Variants in TTC39B observed in about 807,000 individuals in gnomAD.
TTC39B encodes tetratricopeptide repeat domain 39B.
A neutral mutation model predicts 96.6 loss-of-function variants in TTC39B; 92 were observed. The ratio of observed to expected loss-of-function variants is 0.95; its 90% CI spans 0.80 to 1.13. The LOEUF is 1.13. Ranked by LOEUF, TTC39B falls within the 50% of genes most tolerant of loss-of-function variation. The probability of loss-of-function intolerance (pLI) is 0.00; values close to 1 mark genes in which losing one functional copy is unlikely to be tolerated. For synonymous variants in TTC39B, 367 were observed against 299.4 expected (o/e 1.23, Z -2.33); for missense variants, 955 against 809.3 (o/e 1.18, Z -2.18).
chr9:15,187,109 A>C, intron 14 of TTC39B, 74 bp from the exon 15 acceptor site: 2 of 1,060,268 alleles, frequency 1.9e-6, no homozygotes, highest in Non-Finnish European at 2.7e-6. Flanking sequence ...ATCAGGAATG[A>C]CCAACAAGTC....
rs1216228633 is a variant in TTC39B at position 15,198,910 on chromosome 9, A to G, written c.824+951T>C. On this transcript the variant is annotated intron_variant, in intron 8 of 19. Coordinates refer to ENST00000512701, the Ensembl canonical transcript of TTC39B. ...GAGTGCCTATATGAATATTAGACAT[A>G]ACAGATTTCAAGACAAGGAATATCA... Among the ~76,000 whole-genome samples, 7 of 152,374 alleles carry G rather than the reference A, an allele frequency of 4.6e-5. No individual in the cohort carries two copies. In the East Asian group the frequency reaches 1.2e-3, roughly 25 times the overall value.
chr9:15,167,928 G>A (rs943189407), exon 20 of TTC39B: 4 of 152,078 alleles, frequency 2.6e-5, no homozygotes, highest in African/African-American at 9.7e-5. Flanking sequence ...AGGGAGGGCA[G>A]AATAATGTTC....
At chr9:15,223,834 G>A (rs568891505) in intron 3 of TTC39B, among the ~76,000 whole-genome samples, 206 of 147,108 alleles carry the variant, frequency 1.4e-3, no homozygotes, top group Non-Finnish European at 2.6e-3. Flanking sequence ...GCACCCACAT[G>A]ACACTCAAAA....
At chr9:15,283,950 G>A (rs73646030) in intron 1 of TTC39B, among the ~76,000 whole-genome samples, 1,991 of 151,902 alleles carry the variant, frequency 0.013, 41 homozygotes, top group African/African-American at 0.045. Context: ...AAGACCAGAA[G>A]CCTTAAAGAA....
chr9:15,178,304 G>A (rs1321528126), intron 17 of TTC39B, among the ~76,000 whole-genome samples: 1 of 152,176 alleles, frequency 6.6e-6, no homozygotes, highest in Non-Finnish European at 1.5e-5. Flanking sequence ...TGGGCACAGT[G>A]GCTCACATCT....
chr9:15,298,114 C>A (rs1362626657), intron 1 of TTC39B, among the ~76,000 whole-genome samples: 1 of 152,158 alleles, frequency 6.6e-6, no homozygotes, highest in Admixed American at 6.5e-5. Flanking sequence ...TCTTCTGGAG[C>A]TGGGAAGTCC....
intron 8 of TTC39B, among the ~76,000 whole-genome samples, chr9:15,198,341 T>C (rs1388489556): frequency 6.6e-6 from 1 of 151,682 alleles, no homozygotes. Flanking sequence ...CCTGTAGTCC[T>C]AGCTGCTCGG....
At chr9:15,291,347 T>C (rs1266917132) in intron 1 of TTC39B, among the ~76,000 whole-genome samples, 2 of 152,192 alleles carry the variant, frequency 1.3e-5, no homozygotes, top group South Asian at 2.1e-4. Flanking sequence ...GTTTTAAAAA[T>C]GGAAGTTTCC....
At chr9:15,200,250 T>C (rs1819455907) in intron 7 of TTC39B, among the ~76,000 whole-genome samples, 1 of 152,184 alleles carries the variant, frequency 6.6e-6, no homozygotes, top group Admixed American at 6.5e-5. Context: ...ACTGAGCAAT[T>C]TTCTTCTGGG....
At chr9:15,195,493 A>C (rs1302593076) in intron 8 of TTC39B, among the ~76,000 whole-genome samples, 1 of 151,986 alleles carries the variant, frequency 6.6e-6, no homozygotes, top group Admixed American at 6.6e-5. Flanking sequence ...AGCATGGTGA[A>C]ACCTTGCCTC....
chr9:15,236,288 A>G (rs902952156), intron 2 of TTC39B, among the ~76,000 whole-genome samples: 1 of 152,232 alleles, frequency 6.6e-6, no homozygotes, highest in South Asian at 2.1e-4. Flanking sequence ...CTAAATATAC[A>G]TGCAACCAAT....
intron 1 of TTC39B, among the ~76,000 whole-genome samples, chr9:15,302,291 A>T (rs902060230): frequency 1.4e-5 from 2 of 146,558 alleles, no homozygotes; most frequent in Non-Finnish European, 3.0e-5. Context: ...ATGCCACTGC[A>T]CTCCAGCTTG....
intron 18 of TTC39B, 130 bp downstream of exon 18, chr9:15,177,567 G>A (rs1818008969): frequency 1.6e-6 from 1 of 625,564 alleles, no homozygotes; most frequent in Non-Finnish European, 2.8e-6. Context: ...ACACACTACT[G>A]GATTTTCTTT....
In TTC39B at chr9:15,167,001, TATATATATATATA is replaced by T. The variant is rs1817534172; in HGVS notation, c.*5005_*5017del. ...TTTATTTTATATATATATATATATA[TATATATATATATA>T]TATATATATATATATTTTTTTTTTT... On this transcript the variant is annotated 3_prime_UTR_variant, in exon 20 of 20. Transcript: ENST00000512701. 1.2e-3 allele frequency: 13 copies of T among 10,690 alleles called. 2 individuals are homozygous for T. Among genetic ancestry groups the T allele is most frequent in the South Asian group, 3.4e-3 (1 of 292 alleles). The allele number at this position is 10,690 out of a possible 1,614,324, so 0.7% of individuals were successfully genotyped here.
At chr9:15,216,966 A>G (rs1276688054) in intron 3 of TTC39B, among the ~76,000 whole-genome samples, 1 of 152,180 alleles carries the variant, frequency 6.6e-6, no homozygotes, top group Non-Finnish European at 1.5e-5. Context: ...AGAAGGCCCA[A>G]CATTACTGAG....
intron 3 of TTC39B, among the ~76,000 whole-genome samples, chr9:15,218,632 T>TAAAAAAAAAAAATATA (rs545882970): frequency 2.9e-5 from 3 of 105,110 alleles, no homozygotes; most frequent in African/African-American, 1.1e-4. Flanking sequence ...TTAGTCTATT[T>TAAAAAAAAAAAATATA]TAAATATATA....
exon 20 of TTC39B, chr9:15,172,003 A>G: frequency 6.3e-7 from 1 of 1,599,084 alleles, no homozygotes; most frequent in Non-Finnish European, 8.6e-7. Flanking sequence ...GAAAAATTCC[A>G]TCCTTCAAGT....
chr9:15,296,547 C>T (rs1381579883), intron 1 of TTC39B, among the ~76,000 whole-genome samples: 1 of 152,120 alleles, frequency 6.6e-6, no homozygotes, highest in African/African-American at 2.4e-5. Flanking sequence ...TAGGCTGGAG[C>T]TCAATAGCTC....
intron 6 of TTC39B, among the ~76,000 whole-genome samples, chr9:15,208,287 T>C (rs1819992742): frequency 6.6e-6 from 1 of 151,928 alleles, no homozygotes; most frequent in Non-Finnish European, 1.5e-5. Flanking sequence ...CCTCCCAAAG[T>C]GCTGGGATTA....
Sources: gnomAD v4.1 joint callset for allele counts (sites outside exome capture counted in the v4.1 genomes callset) on GRCh38, gnomAD v4.1.1 for gene constraint, MANE v1.5 for transcripts, NCBI Gene and HGNC (gene_info 2026-07-23, HGNC 2026-07-21) for gene names.